Variants in LRRC69 observed in about 807,000 individuals in gnomAD.
LRRC69 encodes the protein leucine rich repeat containing 69.
LRRC69 carries 42 observed loss-of-function variants against 37.8 expected under a neutral mutation model. That is an observed-to-expected ratio of 1.11 (90% CI 0.87 to 1.44). The LOEUF is 1.44. Ranked by LOEUF, LRRC69 falls within the 40% of genes most tolerant of loss-of-function variation. The pLI is 0.00. For missense variants in LRRC69, 357 were observed against 401.9 expected (o/e 0.89, Z 0.96); for synonymous variants, 141 against 143.1 (o/e 0.99, Z 0.11).
intron 5 of LRRC69, among the ~76,000 whole-genome samples, chr8:91,146,767 A>G (rs1360160200): frequency 6.6e-6 from 1 of 151,866 alleles, no homozygotes; most frequent in Non-Finnish European, 1.5e-5. Context: ...ACAATTAATA[A>G]TAAAGTTGTT....
At chr8:91,118,112 C>T (rs1307150580) in intron 1 of LRRC69, 2 of 452,542 alleles carry the variant, frequency 4.4e-6, no homozygotes, top group Non-Finnish European at 8.8e-6. Context: ...GCTAGATCTT[C>T]CTAACAAGAT....
intron 5 of LRRC69, among the ~76,000 whole-genome samples, chr8:91,176,134 A>ATATATATATATATATATTT: frequency 5.3e-5 from 4 of 75,700 alleles, no homozygotes; most frequent in East Asian, 6.8e-4. Flanking sequence ...ATATATATAT[A>ATATATATATATATATATTT]TTTTTTTTTT....
At chr8:91,118,898 C>G (rs1023188664) in intron 1 of LRRC69, among the ~76,000 whole-genome samples, 1 of 152,048 alleles carries the variant, frequency 6.6e-6, no homozygotes, top group Non-Finnish European at 1.5e-5. Context: ...TCAAAGCATT[C>G]CAAATATCTT....
At chr8:91,166,401 T>C (rs1244471133) in intron 5 of LRRC69, among the ~76,000 whole-genome samples, 1 of 150,390 alleles carries the variant, frequency 6.6e-6, no homozygotes, top group African/African-American at 2.5e-5. Flanking sequence ...TCATTTTTCC[T>C]TAGGCTACCC....
chr8:91,189,784 T>C (rs973984274), intron 6 of LRRC69, among the ~76,000 whole-genome samples, 161 bp downstream of exon 6: 11 of 152,240 alleles, frequency 7.2e-5, no homozygotes, highest in African/African-American at 2.4e-4. Flanking sequence ...GACTTGCTTA[T>C]AGAATCCAGT....
At chr8:91,192,294 T>G (rs545500769) in intron 6 of LRRC69, among the ~76,000 whole-genome samples, 1 of 152,082 alleles carries the variant, frequency 6.6e-6, no homozygotes, top group Admixed American at 6.6e-5. Flanking sequence ...TGAATAGTGC[T>G]GCAATAAACA....
At chr8:91,155,372 TG>T (rs147800252) in intron 5 of LRRC69, among the ~76,000 whole-genome samples, 7,912 of 151,028 alleles carry the variant, frequency 0.052, 296 homozygotes, top group Middle Eastern at 0.16. Flanking sequence ...TACATATTTG[TG>T]GGGGTGCAGA....
chr8:91,120,557 T>C (rs1813600958), intron 1 of LRRC69, among the ~76,000 whole-genome samples: 1 of 152,120 alleles, frequency 6.6e-6, no homozygotes, highest in African/African-American at 2.4e-5. Flanking sequence ...TGTCCTGGCA[T>C]CTGCCATGGT....
chr8:91,186,495 A>C (rs1232490302), intron 5 of LRRC69, among the ~76,000 whole-genome samples: 1 of 152,156 alleles, frequency 6.6e-6, no homozygotes, highest in Non-Finnish European at 1.5e-5. Flanking sequence ...GAGATCTCTA[A>C]GTATCTCTGA....
intron 1 of LRRC69, among the ~76,000 whole-genome samples, chr8:91,119,361 A>T (rs1377196436): frequency 6.6e-6 from 1 of 152,048 alleles, no homozygotes; most frequent in Non-Finnish European, 1.5e-5. Flanking sequence ...GCAATCAGTG[A>T]ATCTTCCTTT....
At position 91,164,325 on chromosome 8, in the gene LRRC69, C is replaced by G. The variant is rs191839599; in HGVS notation, c.652-25197C>G. Among the ~76,000 whole-genome samples, 3 of 151,708 alleles carry G rather than the reference C, an allele frequency of 2.0e-5. No homozygotes were observed. In the East Asian group the frequency reaches 5.9e-4, roughly 30 times the overall value. ...CAAGAAGACAACTACCCAAAGGTGT[C>G]AGGAAACTAGGCTCAGAAAATAGCT... On this transcript the variant is annotated intron_variant, in intron 5 of 7. Coordinates refer to ENST00000448384, the Ensembl canonical transcript of LRRC69.
chr8:91,138,355 G>A (rs1237433165), intron 5 of LRRC69, among the ~76,000 whole-genome samples: 1 of 151,882 alleles, frequency 6.6e-6, no homozygotes, highest in Non-Finnish European at 1.5e-5. Context: ...ATAAAGCTCT[G>A]TGTACCCATT....
intron 1 of LRRC69, among the ~76,000 whole-genome samples, chr8:91,116,815 G>A (rs7009178): frequency 0.76 from 114,923 of 151,836 alleles, 44,858 homozygotes; most frequent in African/African-American, 0.93. Flanking sequence ...TTTAATTTAA[G>A]TATTGGTCAG....
intron 7 of LRRC69, among the ~76,000 whole-genome samples, chr8:91,218,260 T>C (rs1187717341): frequency 2.0e-5 from 3 of 152,204 alleles, no homozygotes; most frequent in South Asian, 4.1e-4. Context: ...AACATAGAAA[T>C]GGTAAGCTTT....
chr8:91,113,459 T>TG (rs1281516936), intron 1 of LRRC69, among the ~76,000 whole-genome samples: 3 of 151,976 alleles, frequency 2.0e-5, no homozygotes, highest in African/African-American at 7.2e-5. Context: ...GAGCACACAT[T>TG]GGGGAAAGGA....
intron 5 of LRRC69, among the ~76,000 whole-genome samples, chr8:91,137,814 T>G (rs760062068): frequency 6.6e-6 from 1 of 152,006 alleles, no homozygotes; most frequent in Non-Finnish European, 1.5e-5. Context: ...GCACAACTGG[T>G]GGACCTAGAG....
At chr8:91,178,173 C>A (rs1586268274) in intron 5 of LRRC69, among the ~76,000 whole-genome samples, 1 of 152,264 alleles carries the variant, frequency 6.6e-6, no homozygotes, top group Non-Finnish European at 1.5e-5. Flanking sequence ...AACTCCAATT[C>A]TTGTGCTTTA....
intron 2 of LRRC69, 81 bp from the exon 3 acceptor site, chr8:91,127,007 A>G (rs771768190): frequency 2.3e-4 from 254 of 1,087,690 alleles, no homozygotes; most frequent in Non-Finnish European, 3.1e-4. Context: ...CAGAAGGAAA[A>G]CAAAGGTATG....
intron 5 of LRRC69, among the ~76,000 whole-genome samples, chr8:91,137,720 A>G (rs1162340065): frequency 2.6e-5 from 4 of 152,070 alleles, no homozygotes; most frequent in Admixed American, 2.6e-4. Flanking sequence ...ATGATCTGCA[A>G]ACTCATCTGA....
Sources: gnomAD v4.1 joint callset for allele counts (sites outside exome capture counted in the v4.1 genomes callset) on GRCh38, gnomAD v4.1.1 for gene constraint, MANE v1.5 for transcripts, NCBI Gene and HGNC (gene_info 2026-07-23, HGNC 2026-07-21) for gene names.